Variants in CUX1 observed in about 807,000 individuals in gnomAD.
The protein encoded by CUX1 is cut like homeobox 1.
A neutral mutation model predicts 158.8 loss-of-function variants in CUX1; 31 were observed. That is an observed-to-expected ratio of 0.20 (90% CI 0.15 to 0.26). The LOEUF (loss-of-function observed/expected upper bound fraction) is 0.26. CUX1 is among the 10% of genes least tolerant of loss of function. CUX1 has a pLI of 1.00. For synonymous variants in CUX1, 879 were observed against 862.1 expected (o/e 1.02, Z -0.34); for missense variants, 1,589 against 2,014.6 (o/e 0.79, Z 4.04).
chr7:102,170,423 T>C (rs1554510056), intron 9 of CUX1, 23 bp from the exon 10 acceptor site: 5 of 1,497,320 alleles, frequency 3.3e-6, no homozygotes, highest in Non-Finnish European at 4.6e-6. Context: ...ACTTTCTCTT[T>C]CACCCCTTTT....
At chr7:101,816,404 CGCGCCGCCGCCGCCGCCA>C (rs1261154741), upstream of CUX1, among the ~76,000 whole-genome samples, 54 of 143,538 alleles carry the variant, frequency 3.8e-4, no homozygotes, top group Middle Eastern at 3.6e-3. Context: ...CCCCGGGCCC[CGCGCCGCCGCCGCCGCCA>C]GCGCCGCCGC....
chr7:102,211,760 C>T (rs189131740), intron 20 of CUX1, among the ~76,000 whole-genome samples: 3 of 107,812 alleles, frequency 2.8e-5, no homozygotes, highest in Non-Finnish European at 1.8e-5. Context: ...AGCAGGGTGA[C>T]AAGAGTGAAA....
At chr7:102,166,126 G>A (rs1024660995) in intron 9 of CUX1, among the ~76,000 whole-genome samples, 21 of 152,158 alleles carry the variant, frequency 1.4e-4, no homozygotes, top group Non-Finnish European at 1.3e-4. Context: ...GGACACCATC[G>A]CCAGGTGATG....
chr7:101,825,798 T>TGTGTGTGTGTGTGTGTGC (rs1362738281), intron 1 of CUX1, among the ~76,000 whole-genome samples: 2 of 78,336 alleles, frequency 2.6e-5, no homozygotes, highest in African/African-American at 5.4e-5. Flanking sequence ...TGTGTGTGTG[T>TGTGTGTGTGTGTGTGTGC]GCGCGCGCGC....
intron 5 of CUX1, among the ~76,000 whole-genome samples, chr7:102,101,340 G>A (rs1228344065): frequency 6.6e-6 from 1 of 152,140 alleles, no homozygotes; most frequent in African/African-American, 2.4e-5. Context: ...TGCTGGCCCC[G>A]TCCTCCCCTA....
At chr7:101,928,863 G>A (rs1805949139) in intron 2 of CUX1, among the ~76,000 whole-genome samples, 1 of 149,730 alleles carries the variant, frequency 6.7e-6, no homozygotes, top group Non-Finnish European at 1.5e-5. Context: ...GTAGAGACGG[G>A]GTTTCACCGT....
At chr7:102,099,475 G>GT (rs111487536) in intron 5 of CUX1, among the ~76,000 whole-genome samples, 37,969 of 142,676 alleles carry the variant, frequency 0.27, 5,030 homozygotes, top group Middle Eastern at 0.3. Flanking sequence ...GAGTATCCTG[G>GT]TTTTTTTTTT....
At chr7:102,164,127 C>T (rs528416483) in intron 9 of CUX1, among the ~76,000 whole-genome samples, 86 of 152,324 alleles carry the variant, frequency 5.6e-4, no homozygotes, top group Admixed American at 9.8e-4. Context: ...AACCCCGTCC[C>T]GTCCGGGGGC....
At chr7:101,858,516 C>T (rs757351444) in intron 1 of CUX1, among the ~76,000 whole-genome samples, 48 of 152,210 alleles carry the variant, frequency 3.2e-4, no homozygotes, top group Middle Eastern at 3.4e-3. Context: ...TCCTCTCACC[C>T]GAAAGAATGT....
At chr7:102,143,855 T>C (rs1834733285) in intron 8 of CUX1, among the ~76,000 whole-genome samples, 1 of 152,056 alleles carries the variant, frequency 6.6e-6, no homozygotes, top group Non-Finnish European at 1.5e-5. Flanking sequence ...CGATCTCAGC[T>C]CACTGTAGCC....
At position 102,257,949 on chromosome 7, in the gene CUX1, C is replaced by G. The variant is rs1790085934; in HGVS notation, c.*8907C>G. On this transcript the variant is annotated 3_prime_UTR_variant, in exon 24 of 24. Transcript: ENST00000292535. ...GCTTTGAGATGCCTCTGGTGTGTTG[C>G]TGTGTGACATCTCTCTGGTAACATT... The G allele has an allele frequency of 8.3e-6, 8 of 958,512 alleles. No individual in the cohort carries two copies. Among genetic ancestry groups the G allele is most frequent in the Non-Finnish European group, 9.8e-6 (8 of 820,222 alleles). The allele number at this position is 958,512 out of a possible 1,614,324, so 59.4% of individuals were successfully genotyped here.
At chr7:101,951,325 T>A (rs1214249990) in intron 2 of CUX1, among the ~76,000 whole-genome samples, 1 of 150,514 alleles carries the variant, frequency 6.6e-6, no homozygotes, top group East Asian at 2.0e-4. Context: ...GGTGAGACAC[T>A]GTCTCAAAAA....
chr7:101,866,396 G>A (rs1032140366), intron 1 of CUX1, among the ~76,000 whole-genome samples: 1 of 152,162 alleles, frequency 6.6e-6, no homozygotes, highest in African/African-American at 2.4e-5. Context: ...TCGAACCTGG[G>A]AGGTAAAGGT....
At chr7:101,885,728 G>T (rs185661636) in intron 1 of CUX1, among the ~76,000 whole-genome samples, 3 of 152,134 alleles carry the variant, frequency 2.0e-5, no homozygotes, top group African/African-American at 7.2e-5. Context: ...TTTGTGTCTC[G>T]TGGACTACTC....
intron 1 of CUX1, among the ~76,000 whole-genome samples, chr7:101,851,793 C>T (rs1041507696): frequency 1.3e-5 from 2 of 151,222 alleles, no homozygotes; most frequent in Non-Finnish European, 2.9e-5. Context: ...GCCTGATCTG[C>T]TAATTTTTCT....
At position 102,254,049 on chromosome 7, in the gene CUX1, T is replaced by G. The variant is rs1417046402; in HGVS notation, c.*5007T>G. 1.0e-6 allele frequency: 1 copy of G among 985,364 alleles called. No individual in the cohort carries two copies. Among genetic ancestry groups the G allele is most frequent in the Non-Finnish European group, 1.2e-6 (1 of 829,982 alleles). 61.0% of individuals were successfully genotyped at this position (985,364 alleles called of 1,614,324 possible). A position where few individuals can be genotyped will look rare whatever the true frequency, so the allele number is the denominator to read the frequency against. ...CCAGCGCAGCAGACACGAACATCCC[T>G]CTGCCTGGTGGGCCGGCTTTGTGTG... On this transcript the variant is annotated 3_prime_UTR_variant, in exon 24 of 24. Transcript: ENST00000292535.
At chr7:101,826,704 G>A (rs1385720361) in intron 1 of CUX1, among the ~76,000 whole-genome samples, 1 of 152,150 alleles carries the variant, frequency 6.6e-6, no homozygotes, top group Non-Finnish European at 1.5e-5. Flanking sequence ...TGGGCAGGGG[G>A]CGCCCACTGA....
intron 1 of CUX1, among the ~76,000 whole-genome samples, chr7:101,913,839 C>A (rs1166562464): frequency 6.6e-6 from 1 of 152,196 alleles, no homozygotes; most frequent in Non-Finnish European, 1.5e-5. Context: ...GAAACATCAA[C>A]TCTTTTTTTT....
At chr7:101,996,235 T>A (rs1049668786) in intron 2 of CUX1, among the ~76,000 whole-genome samples, 1 of 152,102 alleles carries the variant, frequency 6.6e-6, no homozygotes, top group African/African-American at 2.4e-5. Flanking sequence ...CACATGAGGA[T>A]GGCAGGAGAG....
Sources: gnomAD v4.1 joint callset for allele counts (sites outside exome capture counted in the v4.1 genomes callset) on GRCh38, gnomAD v4.1.1 for gene constraint, MANE v1.5 for transcripts, NCBI Gene and HGNC (gene_info 2026-07-23, HGNC 2026-07-21) for gene names.